Variants in UST observed in about 807,000 individuals in gnomAD.
UST encodes the protein uronyl 2-sulfotransferase.
A neutral mutation model predicts 45.6 loss-of-function variants in UST; 21 were observed. The ratio of observed to expected loss-of-function variants is 0.46; its 90% CI spans 0.33 to 0.66. The LOEUF (loss-of-function observed/expected upper bound fraction) is 0.66. UST is among the 30% of genes least tolerant of loss of function. UST has a pLI of 0.02. For synonymous variants in UST, 215 were observed against 200.6 expected (o/e 1.07, Z -0.61); for missense variants, 463 against 512.4 (o/e 0.90, Z 0.93).
chr6:148,806,618 C>T lies in UST; in HGVS notation c.247+58941C>T, dbSNP rs570244443. Among the ~76,000 whole-genome samples the T allele has an allele frequency of 6.6e-5, 10 of 152,178 alleles. No individual in the cohort carries two copies. In the South Asian group the frequency reaches 1.0e-3, roughly 16 times the overall value. ...CCTCCCAAAGTGCTGGGATTACAGG[C>T]GTGAGCCATCGCACCCGGCCCCCTA... On this transcript the variant is annotated intron_variant, in intron 1 of 7. Coordinates refer to ENST00000367463, the MANE Select transcript of UST (RefSeq NM_005715.3).
intron 4 of UST, among the ~76,000 whole-genome samples, chr6:148,960,157 T>C (rs982071467): frequency 6.6e-6 from 1 of 152,046 alleles, no homozygotes; most frequent in Admixed American, 6.6e-5. Context: ...GGCATGGTGA[T>C]GGGCGCCTGT....
chr6:148,992,076 A>C (rs1434565608), intron 5 of UST, among the ~76,000 whole-genome samples: 4 of 152,226 alleles, frequency 2.6e-5, no homozygotes, highest in Non-Finnish European at 5.9e-5. Context: ...CACCGTCTGC[A>C]TTCTTGTGAA....
At chr6:149,046,994 A>C (rs948568168) in intron 7 of UST, among the ~76,000 whole-genome samples, 1 of 152,178 alleles carries the variant, frequency 6.6e-6, no homozygotes, top group Non-Finnish European at 1.5e-5. Context: ...TTTGGAGTTA[A>C]AGAGGAACGA....
chr6:148,967,794 T>G (rs1780831152), intron 5 of UST, among the ~76,000 whole-genome samples: 1 of 152,224 alleles, frequency 6.6e-6, no homozygotes, highest in South Asian at 2.1e-4. Flanking sequence ...CCCCTTGCTT[T>G]ATCCCATTGC....
chr6:148,790,125 CTT>C lies in UST; in HGVS notation c.247+42450_247+42451del, dbSNP rs1562258739. ...TAGTTATCCTTGCAGCGGTGTCAGA[CTT>C]TAGCTGCTTCCTGTAGCTCGTTCCC... On this transcript the variant is annotated intron_variant, in intron 1 of 7. Coordinates refer to ENST00000367463, the MANE Select transcript of UST (RefSeq NM_005715.3). The surrounding 1 kb of genome is among the most constrained non-coding windows in gnomAD (Gnocchi z 4.2). 1.3e-5 allele frequency among the ~76,000 whole-genome samples: 2 copies of C among 151,760 alleles called. No individual in the cohort carries two copies.
At chr6:149,055,136 A>ACT (rs1776544228) in intron 7 of UST, among the ~76,000 whole-genome samples, 1 of 152,072 alleles carries the variant, frequency 6.6e-6, no homozygotes, top group African/African-American at 2.4e-5. Context: ...TTTGAGAGTA[A>ACT]AGGTTACTAG....
chr6:148,749,337 A>C (rs1263506979), intron 1 of UST, among the ~76,000 whole-genome samples: 1 of 152,188 alleles, frequency 6.6e-6, no homozygotes, highest in East Asian at 1.9e-4. Flanking sequence ...TTGGGAGGCA[A>C]GCGTTGAGGC....
At chr6:148,931,236 G>A (rs1253659686) in intron 2 of UST, among the ~76,000 whole-genome samples, 1 of 152,218 alleles carries the variant, frequency 6.6e-6, no homozygotes, top group Non-Finnish European at 1.5e-5. Context: ...TAGCAAATGA[G>A]TTTTGAGGTT....
chr6:149,046,231 A>G (rs1169401547), intron 7 of UST, among the ~76,000 whole-genome samples: 1 of 152,236 alleles, frequency 6.6e-6, no homozygotes, highest in Non-Finnish European at 1.5e-5. Context: ...GAAGTTTAAC[A>G]AAAGCAAGCT....
chr6:148,847,304 C>G (rs1021109984), intron 1 of UST, among the ~76,000 whole-genome samples: 10 of 152,216 alleles, frequency 6.6e-5, no homozygotes, highest in African/African-American at 2.4e-4. Flanking sequence ...TGAGTCAAAG[C>G]TTGACTGGGG....
chr6:148,785,341 A>G (rs996649156), intron 1 of UST, among the ~76,000 whole-genome samples: 1 of 152,148 alleles, frequency 6.6e-6, no homozygotes, highest in African/African-American at 2.4e-5. Flanking sequence ...TGATTTTACT[A>G]CTCAATAGCT....
At chr6:148,988,123 G>A (rs1781269974) in intron 5 of UST, among the ~76,000 whole-genome samples, 2 of 151,918 alleles carry the variant, frequency 1.3e-5, no homozygotes, top group Admixed American at 6.6e-5. Context: ...AGCAGAGAGG[G>A]TGTAATTTGA....
At chr6:148,998,989 A>C (rs968345752) in intron 5 of UST, among the ~76,000 whole-genome samples, 1 of 152,208 alleles carries the variant, frequency 6.6e-6, no homozygotes, top group South Asian at 2.1e-4. Context: ...GACAACCAAG[A>C]TGCAAAATCC....
chr6:148,869,909 G>T (rs926311157), intron 1 of UST, among the ~76,000 whole-genome samples: 1 of 152,120 alleles, frequency 6.6e-6, no homozygotes, highest in African/African-American at 2.4e-5. Flanking sequence ...CAAACAGGAG[G>T]CAGAGCTGGA....
At chr6:148,953,820 A>G in intron 3 of UST, 52 bp from the exon 4 acceptor site, 1 of 1,099,726 alleles carries the variant, frequency 9.1e-7, no homozygotes, top group Non-Finnish European at 1.3e-6. Context: ...TTAACTTAAT[A>G]TGGCTTGGTA....
At chr6:148,811,783 C>G (rs1777260858) in intron 1 of UST, among the ~76,000 whole-genome samples, 2 of 152,224 alleles carry the variant, frequency 1.3e-5, no homozygotes, top group East Asian at 3.8e-4. Context: ...GTGATGCAGT[C>G]TTGGAAGCTG....
At chr6:148,815,075 G>C (rs986510414) in intron 1 of UST, among the ~76,000 whole-genome samples, 1 of 152,154 alleles carries the variant, frequency 6.6e-6, no homozygotes, top group Admixed American at 6.5e-5. Context: ...TCCACACAAT[G>C]GAATACTATG....
chr6:148,819,860 A>G (rs1777422897), intron 1 of UST, among the ~76,000 whole-genome samples: 1 of 152,132 alleles, frequency 6.6e-6, no homozygotes, highest in African/African-American at 2.4e-5. Flanking sequence ...GAGTAGCCTT[A>G]TTATCTACAC....
intron 5 of UST, among the ~76,000 whole-genome samples, chr6:148,996,756 T>C (rs572881531): frequency 2.6e-5 from 4 of 152,372 alleles, no homozygotes; most frequent in South Asian, 2.1e-4. Context: ...TCAGTACTTA[T>C]GTGTGTAGAA....
Sources: gnomAD v4.1 joint callset for allele counts (sites outside exome capture counted in the v4.1 genomes callset) on GRCh38, gnomAD v4.1.1 for gene constraint, Gnocchi (gnomAD v3.1) non-coding constraint, MANE v1.5 for transcripts, NCBI Gene and HGNC (gene_info 2026-07-23, HGNC 2026-07-21) for gene names.